Variants in NLGN1 observed in about 807,000 individuals in gnomAD.
NLGN1 encodes neuroligin-1.
NLGN1 carries 12 observed loss-of-function variants against 65.5 expected under a neutral mutation model. The observed-to-expected ratio is 0.18, with a 90% confidence interval of 0.12 to 0.30. The LOEUF is 0.30. NLGN1 is among the 10% of genes least tolerant of loss of function. NLGN1 has a pLI of 1.00. For missense variants in NLGN1, 750 were observed against 1,007.1 expected (o/e 0.74, Z 3.46); for synonymous variants, 350 against 359.5 (o/e 0.97, Z 0.30).
At chr3:173,601,726 G>A (rs1750574718) in intron 2 of NLGN1, among the ~76,000 whole-genome samples, 1 of 151,798 alleles carries the variant, frequency 6.6e-6, no homozygotes, top group Non-Finnish European at 1.5e-5. Flanking sequence ...ACAAATCATT[G>A]TTTTAACATG....
chr3:174,010,647 T>G, intron 4 of NLGN1, among the ~76,000 whole-genome samples: 1 of 152,294 alleles, frequency 6.6e-6, no homozygotes, highest in Middle Eastern at 3.4e-3. Context: ...TTGCTTATCA[T>G]TAAATATTTT....
chr3:173,533,981 C>CA (rs1737041186), intron 2 of NLGN1, among the ~76,000 whole-genome samples: 1 of 151,726 alleles, frequency 6.6e-6, no homozygotes, highest in African/African-American at 2.4e-5. Flanking sequence ...GACTCTGACT[C>CA]AAAAAAAGAA....
At chr3:174,005,029 A>G (rs1384655937) in intron 4 of NLGN1, among the ~76,000 whole-genome samples, 2 of 152,300 alleles carry the variant, frequency 1.3e-5, no homozygotes, top group East Asian at 3.9e-4. Context: ...CCAGTAATTA[A>G]TATTTCCCTA....
At chr3:173,626,085 A>G (rs533067648) in intron 3 of NLGN1, among the ~76,000 whole-genome samples, 1 of 152,226 alleles carries the variant, frequency 6.6e-6, no homozygotes, top group South Asian at 2.1e-4. Context: ...TTCTGTGGTC[A>G]TAGACATATT....
intron 4 of NLGN1, among the ~76,000 whole-genome samples, chr3:174,223,601 G>A (rs1739065115): frequency 6.6e-6 from 1 of 152,114 alleles, no homozygotes; most frequent in Non-Finnish European, 1.5e-5. Context: ...GCAGCTGAAT[G>A]TCTTTTCCTG....
At chr3:173,514,297 T>C (rs553632968) in intron 2 of NLGN1, among the ~76,000 whole-genome samples, 23 of 152,234 alleles carry the variant, frequency 1.5e-4, no homozygotes, top group Non-Finnish European at 2.5e-4. Flanking sequence ...ATAAATTCTT[T>C]TGTGGTGATT....
chr3:173,591,459 T>C (rs1399711870), intron 2 of NLGN1, among the ~76,000 whole-genome samples: 1 of 152,134 alleles, frequency 6.6e-6, no homozygotes, highest in Non-Finnish European at 1.5e-5. Flanking sequence ...AAGGCGTTGG[T>C]GGTCTTAGTC....
chr3:173,881,486 G>A (rs373431846), intron 4 of NLGN1, among the ~76,000 whole-genome samples: 5 of 136,698 alleles, frequency 3.7e-5, no homozygotes, highest in East Asian at 4.5e-4. Flanking sequence ...GTGCAGTGGC[G>A]CAATCTCGGC....
At chr3:173,694,786 T>A (rs1017636905) in intron 3 of NLGN1, among the ~76,000 whole-genome samples, 4 of 152,190 alleles carry the variant, frequency 2.6e-5, no homozygotes, top group African/African-American at 9.6e-5. Context: ...CAATTTTGTG[T>A]TGCCTTTTAT....
At chr3:173,807,913 T>G in intron 4 of NLGN1, 81 bp downstream of exon 4, 1 of 1,430,626 alleles carries the variant, frequency 7.0e-7, no homozygotes, top group Non-Finnish European at 9.8e-7. Context: ...TTGTTCTGCT[T>G]TGCTTTGTTT....
At chr3:174,025,777 A>G (rs943039082) in intron 4 of NLGN1, among the ~76,000 whole-genome samples, 3 of 151,890 alleles carry the variant, frequency 2.0e-5, no homozygotes, top group Admixed American at 6.6e-5. Context: ...TGGATTAGCT[A>G]TTCCGGAAAT....
intron 2 of NLGN1, among the ~76,000 whole-genome samples, chr3:173,548,358 A>G (rs146825058): frequency 8.7e-4 from 133 of 152,292 alleles, no homozygotes; most frequent in Admixed American, 1.6e-3. Context: ...AATGCTTCCT[A>G]TAGATCAGCC....
At chr3:174,048,589 T>A (rs888300680) in intron 4 of NLGN1, among the ~76,000 whole-genome samples, 1 of 151,276 alleles carries the variant, frequency 6.6e-6, no homozygotes, top group Non-Finnish European at 1.5e-5. Flanking sequence ...GAAAAAAAAA[T>A]TTATCCTGGG....
rs552788116 is a variant in NLGN1 at position 173,847,865 on chromosome 3, C to A, written c.646+40033C>A. Among the ~76,000 whole-genome samples, 289 of 151,940 alleles carry A rather than the reference C, an allele frequency of 1.9e-3. 1 individual carries two copies. The highest frequency in any genetic ancestry group is 3.4e-3 in the Non-Finnish European group (229 of 67,958). On this transcript the variant is annotated intron_variant, in intron 4 of 6. Coordinates refer to ENST00000457714, the Ensembl canonical transcript of NLGN1. ...CTAGCCTGGGCGACAGAGTGAAACT[C>A]CATTTCAAAAAATAAATAAATTAAT...
intron 2 of NLGN1, among the ~76,000 whole-genome samples, chr3:173,491,348 A>G (rs564165069): frequency 3.3e-5 from 5 of 151,870 alleles, no homozygotes; most frequent in Non-Finnish European, 7.3e-5. Context: ...ATCTATTGAG[A>G]TAATCATGTG....
intron 4 of NLGN1, among the ~76,000 whole-genome samples, chr3:173,985,197 C>A (rs1719629419): frequency 1.3e-5 from 2 of 152,228 alleles, no homozygotes; most frequent in African/African-American, 2.4e-5. Flanking sequence ...AATAACATTT[C>A]TCTGTCTTAT....
chr3:174,163,201 C>T (rs1726886400), intron 4 of NLGN1, among the ~76,000 whole-genome samples: 1 of 151,970 alleles, frequency 6.6e-6, no homozygotes, highest in Non-Finnish European at 1.5e-5. Context: ...AGAATACGAG[C>T]ATCAACCTTA....
chr3:173,692,220 GCT>G (rs1765574102), intron 3 of NLGN1, among the ~76,000 whole-genome samples: 2 of 152,020 alleles, frequency 1.3e-5, no homozygotes, highest in African/African-American at 4.8e-5. Context: ...AAAGGAAATT[GCT>G]CTGTTATTAA....
At chr3:173,961,218 C>T (rs1579433556) in intron 4 of NLGN1, among the ~76,000 whole-genome samples, 2 of 152,148 alleles carry the variant, frequency 1.3e-5, no homozygotes, top group East Asian at 1.9e-4. Flanking sequence ...TGACCTCCTG[C>T]CCCATTCCTT....
Sources: allele counts gnomAD v4.1 joint callset (sites outside exome capture counted in the v4.1 genomes callset), GRCh38; gene constraint gnomAD v4.1.1; transcripts MANE v1.5; gene names NCBI Gene and HGNC (gene_info 2026-07-23, HGNC 2026-07-21).